The following CDK14 variants were observed in gnomAD, a reference collection of about 807,000 sequenced individuals.
CDK14 encodes the protein cyclin dependent kinase 14.
CDK14 carries 34 observed loss-of-function variants against 60.7 expected under a neutral mutation model. That is an observed-to-expected ratio of 0.56 (90% CI 0.43 to 0.75). The LOEUF is 0.75. CDK14 is among the 30% of genes least tolerant of loss of function. CDK14 has a pLI of 0.00. For synonymous variants in CDK14, 197 were observed against 203.7 expected (o/e 0.97, Z 0.28); for missense variants, 482 against 564.1 (o/e 0.85, Z 1.47).
intron 5 of CDK14, among the ~76,000 whole-genome samples, chr7:90,858,467 G>T (rs1266052319): frequency 1.3e-5 from 2 of 152,156 alleles, no homozygotes; most frequent in Admixed American, 6.6e-5. Context: ...TGGAGTTGTT[G>T]CCAATAAGGA....
At chr7:91,042,192 G>A (rs1027102775) in intron 10 of CDK14, among the ~76,000 whole-genome samples, 1 of 152,122 alleles carries the variant, frequency 6.6e-6, no homozygotes. Flanking sequence ...GAGAAGACAC[G>A]GGGGCTGAGC....
intron 14 of CDK14, among the ~76,000 whole-genome samples, chr7:91,172,233 C>T (rs1423308818): frequency 6.6e-6 from 1 of 152,140 alleles, no homozygotes; most frequent in Non-Finnish European, 1.5e-5. Context: ...CTTTCATATC[C>T]ATTATTTATT....
chr7:90,912,687 A>C (rs1322083994), intron 7 of CDK14, among the ~76,000 whole-genome samples: 3 of 152,128 alleles, frequency 2.0e-5, no homozygotes, highest in Non-Finnish European at 2.9e-5. Flanking sequence ...AGTTCACTGC[A>C]ATCTCCACCT....
chr7:90,787,340 A>G (rs1805637685), intron 4 of CDK14, among the ~76,000 whole-genome samples: 1 of 24,486 alleles, frequency 4.1e-5, no homozygotes, highest in African/African-American at 2.6e-4. Flanking sequence ...CTTAAGGAAT[A>G]TAAAAACTTA....
At chr7:90,648,878 A>G (rs976246187) in intron 2 of CDK14, among the ~76,000 whole-genome samples, 1 of 152,238 alleles carries the variant, frequency 6.6e-6, no homozygotes, top group Non-Finnish European at 1.5e-5. Flanking sequence ...ATTTTTATTC[A>G]GAAAAGCTTC....
intron 2 of CDK14, 76 bp downstream of exon 2, chr7:90,604,325 ACCTGG>A: frequency 1.3e-6 from 1 of 774,144 alleles, no homozygotes; most frequent in Admixed American, 3.8e-5. Flanking sequence ...CCAACTTTGT[ACCTGG>A]AAACAAAAAA....
intron 8 of CDK14, among the ~76,000 whole-genome samples, chr7:90,953,776 A>G (rs144330318): frequency 0.01 from 1,579 of 152,306 alleles, 16 homozygotes; most frequent in Middle Eastern, 0.017. Context: ...ACAACAGCAT[A>G]TGGAACAAGT....
intron 10 of CDK14, among the ~76,000 whole-genome samples, chr7:90,988,401 A>C (rs748259708): frequency 6.6e-6 from 1 of 152,164 alleles, no homozygotes; most frequent in Non-Finnish European, 1.5e-5. Flanking sequence ...ATAGGCACCT[A>C]ATTCTCCAAG....
intron 14 of CDK14, among the ~76,000 whole-genome samples, chr7:91,192,427 A>C (rs1437478461): frequency 6.6e-6 from 1 of 152,208 alleles, no homozygotes; most frequent in Non-Finnish European, 1.5e-5. Context: ...CAACTCTAGG[A>C]CAGACTAAAA....
At chr7:90,738,573 C>T (rs1423131110) in intron 3 of CDK14, among the ~76,000 whole-genome samples, 2 of 152,204 alleles carry the variant, frequency 1.3e-5, no homozygotes, top group Non-Finnish European at 2.9e-5. Flanking sequence ...TTAACATCAT[C>T]TCATTAAATT....
intron 8 of CDK14, among the ~76,000 whole-genome samples, chr7:90,949,498 G>C (rs989451946): frequency 6.6e-6 from 1 of 151,964 alleles, no homozygotes; most frequent in Non-Finnish European, 1.5e-5. Flanking sequence ...CACTGCGCCC[G>C]GCCAAATGAA....
At chr7:90,606,848 A>G (rs1483959911) in intron 2 of CDK14, among the ~76,000 whole-genome samples, 6 of 152,180 alleles carry the variant, frequency 3.9e-5, no homozygotes, top group Non-Finnish European at 7.3e-5. Flanking sequence ...GCCACTTTCT[A>G]GTTATTTGGG....
At chr7:90,873,899 C>G (rs1488511622) in intron 6 of CDK14, among the ~76,000 whole-genome samples, 1 of 152,048 alleles carries the variant, frequency 6.6e-6, no homozygotes, top group Non-Finnish European at 1.5e-5. Flanking sequence ...TCCCATCCTC[C>G]CAGTGTAGTC....
intron 4 of CDK14, among the ~76,000 whole-genome samples, chr7:90,748,509 T>A (rs1223194477): frequency 6.6e-6 from 1 of 152,264 alleles, no homozygotes; most frequent in Non-Finnish European, 1.5e-5. Context: ...TTTACCTTTA[T>A]AACTTTACCA....
At chr7:91,139,810 C>A (rs1379977236) in intron 14 of CDK14, among the ~76,000 whole-genome samples, 1 of 136,032 alleles carries the variant, frequency 7.4e-6, no homozygotes, top group Non-Finnish European at 1.6e-5. Context: ...TTCTTTCTTT[C>A]TTTCTTTTCT....
chr7:90,932,007 C>G (rs1396997899), intron 8 of CDK14, among the ~76,000 whole-genome samples: 1 of 152,048 alleles, frequency 6.6e-6, no homozygotes, highest in Non-Finnish European at 1.5e-5. Flanking sequence ...ATTAGGGAAG[C>G]AACAAAACTT....
At chr7:91,046,724 G>T (rs767602042) in intron 11 of CDK14, among the ~76,000 whole-genome samples, 1 of 151,852 alleles carries the variant, frequency 6.6e-6, no homozygotes, top group Non-Finnish European at 1.5e-5. Context: ...ATAAAACATG[G>T]CTTACAAAAT....
chr7:90,995,982 T>C (rs760895613), intron 10 of CDK14, among the ~76,000 whole-genome samples: 1 of 152,218 alleles, frequency 6.6e-6, no homozygotes, highest in Non-Finnish European at 1.5e-5. Context: ...CCTGGCCTTA[T>C]GTGACAACCT....
intron 2 of CDK14, chr7:90,632,340 G>T: frequency 3.1e-6 from 1 of 324,226 alleles, no homozygotes; most frequent in South Asian, 2.9e-5. Context: ...TCTTTTGGTT[G>T]GGATTTATTG....
Sources: gnomAD v4.1 joint callset for allele counts (sites outside exome capture counted in the v4.1 genomes callset) on GRCh38, gnomAD v4.1.1 for gene constraint, MANE v1.5 for transcripts, NCBI Gene and HGNC (gene_info 2026-07-23, HGNC 2026-07-21) for gene names.